CARMIL1: variants seen among roughly 807,000 people sequenced by gnomAD.
The protein encoded by CARMIL1 is F-actin-uncapping protein LRRC16A.
Under a neutral mutation model 177.1 loss-of-function variants are expected in CARMIL1, and 90 were observed. The ratio of observed to expected loss-of-function variants is 0.51; its 90% confidence interval spans 0.43 to 0.61. The LOEUF (loss-of-function observed/expected upper bound fraction) is 0.61. Among genes scored for constraint, CARMIL1 ranks in the 20% least tolerant of loss-of-function variants. CARMIL1 has a pLI of 0.00. For missense variants in CARMIL1, 1,380 were observed against 1,667.0 expected, an observed-to-expected ratio of 0.83 and a Z score of 3.00; for synonymous variants, 577 against 606.2, an observed-to-expected ratio of 0.95 and a Z score of 0.71.
At chr6:25,546,962 G>A (rs1010444743) in intron 26 of CARMIL1, among the ~76,000 whole-genome samples, 5 of 151,176 alleles carry the variant, frequency 3.3e-5, no homozygotes, top group African/African-American at 1.2e-4. Flanking sequence ...GGCTGAGGCA[G>A]AAGAACAGCT....
At chr6:25,389,489 A>G (rs1232698023) in intron 2 of CARMIL1, among the ~76,000 whole-genome samples, 1 of 152,126 alleles carries the variant, frequency 6.6e-6, no homozygotes, top group Non-Finnish European at 1.5e-5. Flanking sequence ...GTTTTGCAAA[A>G]GTGTTAGCTG....
intron 2 of CARMIL1, among the ~76,000 whole-genome samples, chr6:25,387,974 C>T (rs573374148): frequency 4.6e-5 from 7 of 152,020 alleles, no homozygotes; most frequent in East Asian, 3.9e-4. Flanking sequence ...AGGAACAGAA[C>T]GATGAGAGAA....
rs773816854 is a variant in CARMIL1, at chr6:25,491,806, C to T, written c.1140C>T (p.Asp380=). The T allele has an allele frequency of 6.3e-7, 1 of 1,587,896 alleles. No homozygotes were observed. The highest frequency in any genetic ancestry group is 1.1e-5 in the South Asian group (1 of 87,298). The part of the protein sequence containing the change: ...LDLSNTECSL[D]MVCGALLRGC... ...TATCCAATACAGAATGTTCCCTGGA[C>T]ATGGTAAATTTAAAATATATATATA... Residue 380 remains aspartate (D), a synonymous_variant, in exon 14 of 37, where the codon GAC becomes GAT. Transcript: ENST00000329474.
At chr6:25,490,092 G>T (rs1803051186) in intron 13 of CARMIL1, among the ~76,000 whole-genome samples, 1 of 152,210 alleles carries the variant, frequency 6.6e-6, no homozygotes, top group Non-Finnish European at 1.5e-5. Context: ...GAGTGAGAGT[G>T]GGCTGGAGGG....
chr6:25,382,794 C>T (rs1323861515), intron 2 of CARMIL1, among the ~76,000 whole-genome samples: 1 of 152,162 alleles, frequency 6.6e-6, no homozygotes, highest in Non-Finnish European at 1.5e-5. Flanking sequence ...GGTGCGTTTA[C>T]AATTCTCTAC....
intron 26 of CARMIL1, among the ~76,000 whole-genome samples, chr6:25,548,163 G>A (rs1413317119): frequency 2.0e-5 from 3 of 152,172 alleles, no homozygotes; most frequent in Non-Finnish European, 4.4e-5. Context: ...ATACTTCAGG[G>A]ATTTTTATTC....
chr6:25,601,732 C>A (rs3804117), intron 33 of CARMIL1, among the ~76,000 whole-genome samples: 61,457 of 152,018 alleles, frequency 0.4, 12,778 homozygotes, highest in Non-Finnish European at 0.46. Context: ...GAGTTCCCCC[C>A]AAATCTGACT....
intron 2 of CARMIL1, among the ~76,000 whole-genome samples, chr6:25,320,588 C>T (rs144379010): frequency 3.3e-5 from 5 of 152,268 alleles, no homozygotes; most frequent in Admixed American, 1.3e-4. Context: ...TTTGAGTTGG[C>T]CTTGGTGAGG....
At chr6:25,459,275 T>TTTCTTTCTTTCTTTCTTTC (rs1554200922) in intron 8 of CARMIL1, among the ~76,000 whole-genome samples, 4 of 141,416 alleles carry the variant, frequency 2.8e-5, no homozygotes, top group Non-Finnish European at 3.1e-5. Flanking sequence ...TCTTTTTTTT[T>TTTCTTTCTTTCTTTCTTTC]TTTTTAAGAC....
chr6:25,383,455 T>C (rs1447482874), intron 2 of CARMIL1: 1 of 152,238 alleles, frequency 6.6e-6, no homozygotes, highest in Non-Finnish European at 1.5e-5. Context: ...AAATACTTTA[T>C]GCCAGATTGG....
At chr6:25,590,623 G>A (rs7739289) in intron 31 of CARMIL1, among the ~76,000 whole-genome samples, 1 of 151,836 alleles carries the variant, frequency 6.6e-6, no homozygotes, top group African/African-American at 2.4e-5. Flanking sequence ...GTGTGCATGT[G>A]ATACTTGTAT....
At chr6:25,481,801 G>A (rs1336182227) in intron 11 of CARMIL1, among the ~76,000 whole-genome samples, 1 of 152,188 alleles carries the variant, frequency 6.6e-6, no homozygotes, top group Non-Finnish European at 1.5e-5. Flanking sequence ...AGCCAATTAA[G>A]TATAGGAATC....
intron 11 of CARMIL1, among the ~76,000 whole-genome samples, chr6:25,477,162 C>G (rs1163325518): frequency 2.7e-5 from 4 of 150,294 alleles, no homozygotes; most frequent in Non-Finnish European, 5.9e-5. Flanking sequence ...AGTTAAGTGG[C>G]CAGGAATTCT....
intron 2 of CARMIL1, among the ~76,000 whole-genome samples, chr6:25,304,524 C>T (rs576899915): frequency 1.3e-4 from 20 of 152,270 alleles, no homozygotes; most frequent in Admixed American, 2.6e-4. Context: ...CTGCTTCCCT[C>T]GCATGTGCAG....
intron 17 of CARMIL1, among the ~76,000 whole-genome samples, chr6:25,501,042 G>A (rs1345624550): frequency 2.6e-5 from 4 of 152,200 alleles, no homozygotes; most frequent in South Asian, 2.1e-4. Flanking sequence ...AATTACAGAC[G>A]TGAGCCACTG....
At chr6:25,608,840 C>T (rs376164489) in intron 35 of CARMIL1, among the ~76,000 whole-genome samples, 23 of 152,256 alleles carry the variant, frequency 1.5e-4, no homozygotes, top group East Asian at 9.7e-4. Flanking sequence ...GACACTCACA[C>T]GCCAACTTAA....
At chr6:25,388,228 A>G (rs1399537063) in intron 2 of CARMIL1, 1 of 152,188 alleles carries the variant, frequency 6.6e-6, no homozygotes, top group Non-Finnish European at 1.5e-5. Flanking sequence ...TAAAGGCTGG[A>G]GAGTATTGAA....
chr6:25,619,220 A>G (rs1759536819), intron 36 of CARMIL1, among the ~76,000 whole-genome samples: 1 of 152,142 alleles, frequency 6.6e-6, no homozygotes, highest in Non-Finnish European at 1.5e-5. Context: ...TCACCCTGTC[A>G]TAGACTGTTT....
In CARMIL1 at chr6:25,352,105, T is replaced by C. The variant is rs79519508; in HGVS notation, c.138+67196T>C. Among the ~76,000 whole-genome samples, 1,820 of 152,160 alleles carry C rather than the reference T, an allele frequency of 0.012. 68 individuals carry two copies. The East Asian group carries it at 0.14, about 11-fold the overall frequency. On this transcript the variant is annotated intron_variant, in intron 2 of 36. Coordinates refer to ENST00000329474, the MANE Select transcript of CARMIL1 (RefSeq NM_017640.6). ...AGGACTAAATGTTTAAGAAAACGTT[T>C]GGCACCTTGAATTCTCACAGAAGTT...
Sources: gnomAD v4.1 joint callset for allele counts (sites outside exome capture counted in the v4.1 genomes callset) on GRCh38, gnomAD v4.1.1 for gene constraint, MANE v1.5 for transcripts, NCBI Gene and HGNC (gene_info 2026-07-23, HGNC 2026-07-21) for gene names.